Variants in ARHGAP15 observed in about 807,000 individuals in gnomAD.
ARHGAP15 encodes Rho GTPase activating protein 15, also known as rho GTPase-activating protein 15.
ARHGAP15 carries 51 observed loss-of-function variants against 63.7 expected under a neutral mutation model. The ratio of observed to expected loss-of-function variants is 0.80; its 90% CI spans 0.64 to 1.01. ARHGAP15 has a LOEUF of 1.01. Ranked by LOEUF, ARHGAP15 falls within the 50% of genes least tolerant of loss-of-function variation. ARHGAP15 has a pLI of 0.00. For synonymous variants in ARHGAP15, 191 were observed against 193.8 expected (o/e 0.99, Z 0.12); for missense variants, 560 against 564.6 (o/e 0.99, Z 0.08).
chr2:143,260,325 C>T (rs17227678), intron 6 of ARHGAP15, among the ~76,000 whole-genome samples: 18,792 of 152,092 alleles, frequency 0.12, 1,324 homozygotes, highest in Middle Eastern at 0.25. Context: ...AATTTTAGTA[C>T]GGTTTTAAGT....
At position 143,318,331 on chromosome 2, in the gene ARHGAP15, G is replaced by A. The variant is rs186071895; in HGVS notation, c.474+67731G>A. Reference sequence around the variant, plus strand: ...CATAAAACTTTCACACAGTCAGAACGATAAGGGTACTAATATAAGCTGTGT... The same window carrying A: ...CATAAAACTTTCACACAGTCAGAACAATAAGGGTACTAATATAAGCTGTGT... On this transcript the variant is annotated intron_variant, in intron 6 of 13. Transcript: ENST00000295095. 2.9e-4 allele frequency among the ~76,000 whole-genome samples: 44 copies of A among 152,108 alleles called. No homozygotes were observed. In the East Asian group the frequency reaches 7.0e-3, roughly 24 times the overall value.
intron 1 of ARHGAP15, among the ~76,000 whole-genome samples, chr2:143,132,233 T>G (rs1364773770): frequency 6.6e-6 from 1 of 152,220 alleles, no homozygotes; most frequent in Non-Finnish European, 1.5e-5. Context: ...TGTGCAAAAC[T>G]TCTTTGTTGG....
intron 8 of ARHGAP15, among the ~76,000 whole-genome samples, chr2:143,438,673 A>G (rs2105097832): frequency 6.6e-6 from 1 of 152,352 alleles, no homozygotes; most frequent in Admixed American, 6.5e-5. Flanking sequence ...ATAATGGTAC[A>G]GTTTAGAGGT....
intron 12 of ARHGAP15, among the ~76,000 whole-genome samples, chr2:143,670,919 A>G (rs1264548559): frequency 6.6e-6 from 1 of 152,220 alleles, no homozygotes; most frequent in Admixed American, 6.5e-5. Flanking sequence ...CAGCAGGCCA[A>G]GGACAAAGAA....
rs1684476262 is a variant in ARHGAP15, at chr2:143,330,134, A to AAAAAAAAAAAAAT, written c.474+79538_474+79539insAAAAAAAATAAAA. On this transcript the variant is annotated intron_variant, in intron 6 of 13. Transcript: ENST00000295095. The stretch of plus-strand genomic sequence containing the variant: ...AAAAAAAAAAAAAAAAAAAAAAACC[A>AAAAAAAAAAAAAT]AAAACAAAAAACTAAACTAATGATT... Among the ~76,000 whole-genome samples, 2 of 30,118 alleles carry AAAAAAAAAAAAAT rather than the reference A, an allele frequency of 6.6e-5. 1 individual carries two copies. The highest frequency in any genetic ancestry group is 1.9e-4 in the Non-Finnish European group (2 of 10,302). 19.8% of individuals were successfully genotyped at this position (30,118 alleles called of 152,430 possible).
At chr2:143,283,530 A>G (rs547921047) in intron 6 of ARHGAP15, among the ~76,000 whole-genome samples, 2 of 152,210 alleles carry the variant, frequency 1.3e-5, no homozygotes, top group African/African-American at 2.4e-5. Context: ...TGTTCTGCCT[A>G]TTGTGTCTGA....
intron 12 of ARHGAP15, among the ~76,000 whole-genome samples, chr2:143,625,874 G>A (rs753169912): frequency 4.6e-5 from 7 of 151,990 alleles, no homozygotes; most frequent in African/African-American, 1.2e-4. Flanking sequence ...AATATACTTC[G>A]GTATGTGCTA....
At chr2:143,665,846 G>GA (rs1371853893) in intron 12 of ARHGAP15, among the ~76,000 whole-genome samples, 2 of 148,868 alleles carry the variant, frequency 1.3e-5, no homozygotes, top group African/African-American at 4.9e-5. Context: ...AAATACCTAG[G>GA]AATCCAACTT....
intron 5 of ARHGAP15, among the ~76,000 whole-genome samples, chr2:143,239,302 C>T (rs1232140137): frequency 1.3e-5 from 2 of 152,050 alleles, no homozygotes; most frequent in Non-Finnish European, 2.9e-5. Context: ...TTTTTGTGTG[C>T]AATGAAAACA....
chr2:143,670,645 C>T (rs2105347550), intron 12 of ARHGAP15, among the ~76,000 whole-genome samples: 1 of 152,278 alleles, frequency 6.6e-6, no homozygotes, highest in East Asian at 1.9e-4. Context: ...CCCACCCTAC[C>T]ACCTTAGACC....
chr2:143,615,248 C>T (rs368115049), intron 11 of ARHGAP15, among the ~76,000 whole-genome samples: 123 of 152,252 alleles, frequency 8.1e-4, no homozygotes, highest in African/African-American at 2.8e-3. Flanking sequence ...AACATAGTTT[C>T]AATGAATGAG....
At chr2:143,234,893 C>T (rs967997466) in intron 5 of ARHGAP15, among the ~76,000 whole-genome samples, 1 of 152,096 alleles carries the variant, frequency 6.6e-6, no homozygotes, top group Non-Finnish European at 1.5e-5. Flanking sequence ...CAGTGGCAGT[C>T]CCACTGTCTT....
At chr2:143,250,221 A>G (rs1680082012) in intron 5 of ARHGAP15, among the ~76,000 whole-genome samples, 1 of 152,092 alleles carries the variant, frequency 6.6e-6, no homozygotes, top group Non-Finnish European at 1.5e-5. Flanking sequence ...AACTTTCATT[A>G]TTCTTAAATT....
intron 8 of ARHGAP15, among the ~76,000 whole-genome samples, chr2:143,447,089 C>T (rs1005550759): frequency 3.9e-5 from 6 of 152,110 alleles, no homozygotes; most frequent in African/African-American, 1.2e-4. Context: ...AATAAACATA[C>T]GTGTGCATGT....
chr2:143,590,153 C>T (rs1013644869), intron 11 of ARHGAP15, among the ~76,000 whole-genome samples: 5 of 152,188 alleles, frequency 3.3e-5, no homozygotes, highest in African/African-American at 1.2e-4. Context: ...TGCCCCATTT[C>T]TCCTTCTTGA....
chr2:143,157,816 G>A (rs1438200582), intron 2 of ARHGAP15, among the ~76,000 whole-genome samples: 1 of 151,804 alleles, frequency 6.6e-6, no homozygotes, highest in Non-Finnish European at 1.5e-5. Context: ...ATCTGCTCAA[G>A]CTAAACTAAG....
In ARHGAP15 at chr2:143,170,958, A is replaced by G. The variant is rs187939991; in HGVS notation, c.165+15303A>G. 1.1e-4 allele frequency among the ~76,000 whole-genome samples: 16 copies of G among 152,268 alleles called. No individual in the cohort carries two copies. The East Asian group carries it at 2.9e-3, about 28-fold the overall frequency. ...GAAAATAAGCATTTAATTTTTTTCA[A>G]CCTAAGGTACTTTAAAAGGTTTAGA... On this transcript the variant is annotated intron_variant, in intron 2 of 13. Transcript: ENST00000295095.
intron 9 of ARHGAP15, among the ~76,000 whole-genome samples, chr2:143,489,989 CTTTTTGTTTTTG>C (rs539572113): frequency 1.3e-5 from 2 of 151,670 alleles, no homozygotes; most frequent in African/African-American, 4.9e-5. Flanking sequence ...TTTTCTTTTT[CTTTTTGTTTTTG>C]TTTTTGTTTT....
At chr2:143,735,920 C>T (rs974019413) in intron 13 of ARHGAP15, among the ~76,000 whole-genome samples, 6 of 152,140 alleles carry the variant, frequency 3.9e-5, no homozygotes, top group Non-Finnish European at 8.8e-5. Flanking sequence ...GTTGCCTATC[C>T]CTCATTCTCA....
Sources: gnomAD v4.1 joint callset for allele counts (sites outside exome capture counted in the v4.1 genomes callset) on GRCh38, gnomAD v4.1.1 for gene constraint, MANE v1.5 for transcripts, NCBI Gene and HGNC (gene_info 2026-07-23, HGNC 2026-07-21) for gene names.